Variants in SPATA6 observed in about 807,000 individuals in gnomAD.
The protein encoded by SPATA6 is spermatogenesis-associated protein 6.
Under a neutral mutation model 65.3 loss-of-function variants are expected in SPATA6, and 56 were observed. The ratio of observed to expected loss-of-function variants is 0.86; its 90% CI spans 0.69 to 1.07. SPATA6 has a LOEUF of 1.07. SPATA6 is among the 50% of genes least tolerant of loss of function. The pLI is 0.00. For missense variants in SPATA6, 590 were observed against 594.8 expected, an observed-to-expected ratio of 0.99 and a Z score of 0.08; for synonymous variants, 199 against 213.2, an observed-to-expected ratio of 0.93 and a Z score of 0.58.
At chr1:48,425,895 G>A (rs1653792057) in intron 3 of SPATA6, among the ~76,000 whole-genome samples, 2 of 151,848 alleles carry the variant, frequency 1.3e-5, no homozygotes, top group African/African-American at 4.8e-5. Flanking sequence ...CATAACTGGT[G>A]TAAGCAAAGA....
chr1:48,315,535 T>C (rs1436522236), intron 11 of SPATA6, among the ~76,000 whole-genome samples: 1 of 152,200 alleles, frequency 6.6e-6, no homozygotes, highest in Non-Finnish European at 1.5e-5. Flanking sequence ...TGATGGGATG[T>C]ATCTCAAAAT....
chr1:48,427,411 G>A (rs1653937684), intron 3 of SPATA6, among the ~76,000 whole-genome samples: 1 of 140,764 alleles, frequency 7.1e-6, no homozygotes. Flanking sequence ...TATAATAGTA[G>A]TTCCTAATTA....
intron 3 of SPATA6, among the ~76,000 whole-genome samples, chr1:48,417,560 A>G (rs1162905623): frequency 6.6e-6 from 1 of 152,170 alleles, no homozygotes; most frequent in African/African-American, 2.4e-5. Context: ...TCATACCTGT[A>G]ATCCCAGCAC....
intron 11 of SPATA6, among the ~76,000 whole-genome samples, chr1:48,314,205 C>A (rs1645326914): frequency 2.0e-5 from 3 of 152,218 alleles, no homozygotes; most frequent in Admixed American, 6.5e-5. Flanking sequence ...TAGACATCTA[C>A]AGAACTCTCC....
intron 9 of SPATA6, among the ~76,000 whole-genome samples, chr1:48,377,134 T>C (rs1648012017): frequency 6.6e-6 from 1 of 152,146 alleles, no homozygotes; most frequent in South Asian, 2.1e-4. Context: ...GCCTACTAAC[T>C]TGGCTACCAG....
At chr1:48,356,408 TTATAA>T (rs1274485836) in intron 10 of SPATA6, among the ~76,000 whole-genome samples, 2 of 151,910 alleles carry the variant, frequency 1.3e-5, no homozygotes, top group East Asian at 3.9e-4. Flanking sequence ...AAATTTCTAA[TTATAA>T]TATATAGTGT....
the SPATA6 span, among the ~76,000 whole-genome samples, chr1:48,275,694 T>A: frequency 6.6e-6 from 1 of 152,154 alleles, no homozygotes. Flanking sequence ...ACATAATTGA[T>A]TTGCATATAT....
At chr1:48,353,495 C>T (rs1464670216) in intron 11 of SPATA6, among the ~76,000 whole-genome samples, 3 of 147,614 alleles carry the variant, frequency 2.0e-5, no homozygotes, top group African/African-American at 7.5e-5. Flanking sequence ...TGACATAAAC[C>T]AAAGAATTGA....
chr1:48,315,445 G>T (rs1645381932), intron 11 of SPATA6, among the ~76,000 whole-genome samples: 1 of 152,072 alleles, frequency 6.6e-6, no homozygotes, highest in Non-Finnish European at 1.5e-5. Flanking sequence ...AAAACGACAT[G>T]ATTATCTCAA....
rs1384559381 is a variant in SPATA6, at chr1:48,341,446, T to A, written c.1194+14224A>T. Among the ~76,000 whole-genome samples the A allele has an allele frequency of 2.6e-5, 4 of 152,226 alleles. No homozygotes were observed. The East Asian group carries it at 7.7e-4, about 29-fold the overall frequency. On this transcript the variant is annotated intron_variant, in intron 11 of 12. Coordinates refer to ENST00000371847, the MANE Select transcript of SPATA6 (RefSeq NM_019073.4). ...TTTTGTCCAGCATACCCACGCCGTA[T>A]ACACTACTTGCCTATTTGTCACTAA...
intron 1 of SPATA6, among the ~76,000 whole-genome samples, chr1:48,457,987 G>C (rs939627377): frequency 1.3e-5 from 2 of 150,622 alleles, no homozygotes; most frequent in African/African-American, 4.9e-5. Context: ...AGGAAGGGAG[G>C]GAGAATAGAA....
At chr1:48,376,744 T>C (rs1296658606) in intron 9 of SPATA6, among the ~76,000 whole-genome samples, 1 of 152,110 alleles carries the variant, frequency 6.6e-6, no homozygotes, top group Non-Finnish European at 1.5e-5. Context: ...TCATAGAGTG[T>C]ACTTACATAA....
At chr1:48,279,558 A>G in the SPATA6 span, among the ~76,000 whole-genome samples, 1 of 152,312 alleles carries the variant, frequency 6.6e-6, no homozygotes, top group Non-Finnish European at 1.5e-5. Flanking sequence ...CAGACTTTAA[A>G]TCAACAAAGA....
intron 3 of SPATA6, among the ~76,000 whole-genome samples, chr1:48,449,307 T>C (rs916786054): frequency 6.6e-6 from 1 of 152,344 alleles, no homozygotes; most frequent in African/African-American, 2.4e-5. Flanking sequence ...ATCAGGCTGA[T>C]GCTGCCTGGA....
chr1:48,471,919 AGCCAAT>A, intron 1 of SPATA6, 33 bp downstream of exon 1: 1 of 1,606,480 alleles, frequency 6.2e-7, no homozygotes, highest in Non-Finnish European at 8.5e-7. Context: ...GGAGTCCCTG[AGCCAAT>A]GCCCGGGGGT....
chr1:48,309,357 C>A (rs774898037), intron 11 of SPATA6, among the ~76,000 whole-genome samples: 11 of 152,070 alleles, frequency 7.2e-5, no homozygotes, highest in Non-Finnish European at 4.4e-5. Context: ...ATAATATTTT[C>A]TTCTGCCTGC....
intron 9 of SPATA6, among the ~76,000 whole-genome samples, chr1:48,380,875 T>A (rs1348558705): frequency 6.6e-6 from 1 of 152,176 alleles, no homozygotes; most frequent in African/African-American, 2.4e-5. Flanking sequence ...ATAAACACTA[T>A]ACAGCAGCAG....
chr1:48,311,713 C>G (rs1645214108), intron 11 of SPATA6, among the ~76,000 whole-genome samples: 1 of 152,122 alleles, frequency 6.6e-6, no homozygotes, highest in South Asian at 2.1e-4. Context: ...GACTGTCGGA[C>G]AGTGGGTGCA....
intron 3 of SPATA6, among the ~76,000 whole-genome samples, chr1:48,446,078 A>G (rs1656023908): frequency 1.3e-5 from 2 of 152,204 alleles, no homozygotes; most frequent in Admixed American, 6.5e-5. Flanking sequence ...AGAGACTGTC[A>G]AGGAAGATGT....
Sources: gnomAD v4.1 joint callset for allele counts (sites outside exome capture counted in the v4.1 genomes callset) on GRCh38, gnomAD v4.1.1 for gene constraint, MANE v1.5 for transcripts, NCBI Gene and HGNC (gene_info 2026-07-23, HGNC 2026-07-21) for gene names.